MTX2: variants seen among roughly 807,000 people sequenced by gnomAD.
MTX2 encodes the protein metaxin 2.
MTX2 carries 35 observed loss-of-function variants against 42.3 expected under a neutral mutation model. The ratio of observed to expected loss-of-function variants is 0.83; its 90% CI spans 0.63 to 1.10. The LOEUF (loss-of-function observed/expected upper bound fraction) is 1.10, where lower values mean the gene tolerates loss of function less well. Ranked by LOEUF, MTX2 falls within the 50% of genes least tolerant of loss-of-function variation. MTX2 has a pLI of 0.00. For missense variants in MTX2, 307 were observed against 304.1 expected (o/e 1.01, Z -0.07); for synonymous variants, 119 against 100.9 (o/e 1.18, Z -1.08).
chr2:176,307,993 G>A (rs544422922), intron 3 of MTX2, among the ~76,000 whole-genome samples: 11 of 152,200 alleles, frequency 7.2e-5, no homozygotes, highest in African/African-American at 2.6e-4. Context: ...CAAAGGGAGT[G>A]CTTCCCATTT....
chr2:176,319,104 A>G (rs980425186), intron 3 of MTX2, among the ~76,000 whole-genome samples: 5 of 152,212 alleles, frequency 3.3e-5, no homozygotes, highest in Non-Finnish European at 7.3e-5. Flanking sequence ...AAAGTATTCA[A>G]CCGAGGAATA....
chr2:176,286,165 T>A (rs1693195724), intron 1 of MTX2, among the ~76,000 whole-genome samples: 1 of 152,170 alleles, frequency 6.6e-6, no homozygotes, highest in African/African-American at 2.4e-5. Context: ...GTATATCTCC[T>A]TTGGAAAAAT....
At chr2:176,317,742 C>A (rs1016139234) in intron 3 of MTX2, among the ~76,000 whole-genome samples, 5 of 152,100 alleles carry the variant, frequency 3.3e-5, no homozygotes, top group Non-Finnish European at 7.4e-5. Context: ...TATACTTACC[C>A]TTAACTTTGC....
Position 176,300,932 on chromosome 2 carries a change from A to G in MTX2, c.135+3037A>G, listed in dbSNP as rs1460124868. Among the ~76,000 whole-genome samples the G allele has an allele frequency of 5.9e-5, 9 of 152,264 alleles. No homozygotes were observed. The South Asian group carries it at 6.2e-4, about 11-fold the overall frequency. ...TACTTCTTTCTCTCCTAATTCTTTG[A>G]AAGAAATACACGTATTCAATGTTAG... is the stretch of plus-strand genomic sequence containing the variant. On this transcript the variant is annotated intron_variant, in intron 3 of 9. Transcript: ENST00000249442.
intron 1 of MTX2, among the ~76,000 whole-genome samples, chr2:176,281,366 G>GA (rs1464246392): frequency 6.6e-6 from 1 of 152,128 alleles, no homozygotes; most frequent in East Asian, 1.9e-4. Context: ...TCTGACAGTT[G>GA]ATTCTGGCTA....
chr2:176,273,649 C>T (rs1692877087), intron 1 of MTX2, among the ~76,000 whole-genome samples: 1 of 152,016 alleles, frequency 6.6e-6, no homozygotes, highest in African/African-American at 2.4e-5. Context: ...CTCTGAACTC[C>T]CCAGTTTAAG....
intron 2 of MTX2, among the ~76,000 whole-genome samples, 178 bp downstream of exon 2, chr2:176,297,085 A>G (rs1159955085): frequency 2.0e-5 from 3 of 152,148 alleles, no homozygotes; most frequent in Non-Finnish European, 2.9e-5. Flanking sequence ...CCAACTATTC[A>G]TGGCCTATAA....
chr2:176,269,547 C>A lies in MTX2; in HGVS notation c.-83C>A. The A allele has an allele frequency of 6.9e-7, 1 of 1,455,818 alleles. No individual in the cohort carries two copies. Among genetic ancestry groups the A allele is most frequent in the Non-Finnish European group, 9.2e-7 (1 of 1,089,784 alleles). The allele number at this position is 1,455,818 out of a possible 1,614,324, so 90.2% of individuals were successfully genotyped here. On this transcript the variant is annotated 5_prime_UTR_variant, in exon 1 of 10. It adds an upstream start codon to the 5' untranslated region. Transcript: ENST00000249442. ...ACGTTGGCGGGGCTAGGCTCGTTAA[C>A]TGCCGAGAGCCTCCGGGTTTGCGGT... is the stretch of plus-strand genomic sequence containing the variant.
intron 4 of MTX2, among the ~76,000 whole-genome samples, chr2:176,324,761 A>G (rs1023389245): frequency 6.6e-6 from 1 of 151,720 alleles, no homozygotes; most frequent in Admixed American, 6.6e-5. Context: ...GCGAAAGACA[A>G]ACATAAATAT....
chr2:176,311,538 T>C lies in MTX2; in HGVS notation c.136-11854T>C, dbSNP rs2140539. Among the ~76,000 whole-genome samples the C allele has an allele frequency of 7.8e-3, 1,182 of 152,338 alleles. 18 individuals are homozygous for C. The highest frequency in any genetic ancestry group is 0.027 in the African/African-American group (1,143 of 41,600). Reference sequence around the variant, plus strand: ...GAAGCGTAGAGGCAGTAGGCCTTGTTGATCTGCAGTGGGCTCCGCCCAGTT... The same window carrying C: ...GAAGCGTAGAGGCAGTAGGCCTTGTCGATCTGCAGTGGGCTCCGCCCAGTT... On this transcript the variant is annotated intron_variant, in intron 3 of 9. Transcript: ENST00000249442.
chr2:176,294,278 CTTTTTTTTT>C (rs750682515), intron 1 of MTX2, among the ~76,000 whole-genome samples: 4 of 125,320 alleles, frequency 3.2e-5, no homozygotes, highest in African/African-American at 6.0e-5. Context: ...GATGAATTAA[CTTTTTTTTT>C]TTTTTTTTTT....
intron 3 of MTX2, among the ~76,000 whole-genome samples, chr2:176,308,513 T>C (rs1016504152): frequency 2.7e-4 from 41 of 152,214 alleles, no homozygotes; most frequent in Non-Finnish European, 1.8e-4. Flanking sequence ...TGTGAATCCA[T>C]CTGGTCCTGG....
At chr2:176,286,082 A>T (rs1446701813) in intron 1 of MTX2, among the ~76,000 whole-genome samples, 1 of 152,074 alleles carries the variant, frequency 6.6e-6, no homozygotes, top group African/African-American at 2.4e-5. Flanking sequence ...GTGGCATCTC[A>T]TGGTGGTTTT....
intron 1 of MTX2, among the ~76,000 whole-genome samples, chr2:176,271,945 T>A (rs1327443618): frequency 1.3e-5 from 2 of 152,120 alleles, no homozygotes; most frequent in African/African-American, 4.8e-5. Context: ...GTATGTGCAG[T>A]CCCATGTTCA....
chr2:176,311,501 G>T (rs1684305656), intron 3 of MTX2, among the ~76,000 whole-genome samples: 1 of 152,216 alleles, frequency 6.6e-6, no homozygotes, highest in African/African-American at 2.4e-5. Context: ...GCTATGCCCT[G>T]CCCATGGAGG....
chr2:176,305,623 A>G (rs1355886661), intron 3 of MTX2, among the ~76,000 whole-genome samples: 3 of 152,140 alleles, frequency 2.0e-5, no homozygotes, highest in Non-Finnish European at 4.4e-5. Flanking sequence ...ATTTATATGT[A>G]ATTATCACAG....
chr2:176,325,964 G>T (rs753673103), intron 4 of MTX2, among the ~76,000 whole-genome samples: 3 of 146,458 alleles, frequency 2.0e-5, no homozygotes, highest in Admixed American at 7.1e-5. Context: ...CCAGGCTGAC[G>T]GAGCCAGAGA....
intron 3 of MTX2, among the ~76,000 whole-genome samples, chr2:176,313,892 T>C (rs1684375508): frequency 6.6e-6 from 1 of 152,172 alleles, no homozygotes; most frequent in African/African-American, 2.4e-5. Context: ...GTAGGGTTTA[T>C]GACTCAGCAA....
At chr2:176,295,390 T>G (rs944270965) in intron 1 of MTX2, among the ~76,000 whole-genome samples, 3 of 152,198 alleles carry the variant, frequency 2.0e-5, no homozygotes, top group African/African-American at 7.2e-5. Context: ...TTGTTTTTGT[T>G]TCCTTTTATT....
Sources: gnomAD v4.1 joint callset for allele counts (sites outside exome capture counted in the v4.1 genomes callset) on GRCh38, gnomAD v4.1.1 for gene constraint, MANE v1.5 for transcripts, NCBI Gene and HGNC (gene_info 2026-07-23, HGNC 2026-07-21) for gene names.